IQGAP2: variants seen among roughly 807,000 people sequenced by gnomAD.
IQGAP2 encodes the protein IQ motif containing GTPase activating protein 2.
IQGAP2 carries 173 observed loss-of-function variants against 201.3 expected under a neutral mutation model. The ratio of observed to expected loss-of-function variants is 0.86; its 90% CI spans 0.76 to 0.98. IQGAP2 has a LOEUF of 0.98. Among genes scored for constraint, IQGAP2 ranks in the 50% least tolerant of loss-of-function variants. The pLI is 0.00. For missense variants in IQGAP2, 1,687 were observed against 1,864.8 expected (o/e 0.90, Z 1.76); for synonymous variants, 675 against 673.9 (o/e 1.00, Z -0.03).
At chr5:76,678,581 A>G (rs985681028) in intron 28 of IQGAP2, among the ~76,000 whole-genome samples, 3 of 152,350 alleles carry the variant, frequency 2.0e-5, no homozygotes, top group South Asian at 2.1e-4. Flanking sequence ...GGGATATGTT[A>G]GCAATGCACC....
At chr5:76,658,971 A>G (rs558920022) in intron 21 of IQGAP2, among the ~76,000 whole-genome samples, 48 of 152,336 alleles carry the variant, frequency 3.2e-4, no homozygotes, top group Middle Eastern at 6.8e-3. Context: ...AGCTCAACAT[A>G]GAAAAAATAC....
At chr5:76,581,018 C>T (rs902064302) in intron 5 of IQGAP2, among the ~76,000 whole-genome samples, 5 of 152,212 alleles carry the variant, frequency 3.3e-5, no homozygotes, top group African/African-American at 1.2e-4. Flanking sequence ...TTACTCTTCC[C>T]GCTGCTGATA....
At chr5:76,656,088 C>T (rs1420076160) in intron 20 of IQGAP2, among the ~76,000 whole-genome samples, 1 of 152,188 alleles carries the variant, frequency 6.6e-6, no homozygotes, top group Admixed American at 6.5e-5. Flanking sequence ...CGCTTGAAGT[C>T]CTCACTCTGC....
At chr5:76,612,772 T>G (rs955357490) in intron 13 of IQGAP2, among the ~76,000 whole-genome samples, 1 of 152,082 alleles carries the variant, frequency 6.6e-6, no homozygotes, top group African/African-American at 2.4e-5. Context: ...GCACACACTC[T>G]TACATGTGTC....
Position 76,538,289 on chromosome 5 carries a change from G to A in IQGAP2, c.147-24107G>A, listed in dbSNP as rs115698213. Among the ~76,000 whole-genome samples, 994 of 152,280 alleles carry A rather than the reference G, an allele frequency of 6.5e-3. 13 individuals carry two copies. The highest frequency in any genetic ancestry group is 0.022 in the African/African-American group (934 of 41,560). On this transcript the variant is annotated intron_variant, in intron 2 of 35. Transcript: ENST00000274364. The stretch of plus-strand genomic sequence containing the variant: ...TTACCTTCCACTGGGTCGCTCCCAC[G>A]ACATGTGGGAATTGTGGAAGTGACA...
chr5:76,442,445 G>T (rs1330767069), intron 1 of IQGAP2, among the ~76,000 whole-genome samples: 2 of 152,166 alleles, frequency 1.3e-5, no homozygotes, highest in Non-Finnish European at 2.9e-5. Flanking sequence ...AGTTATAGAA[G>T]TGAATAACTA....
At chr5:76,416,822 G>A (rs553083834) in intron 1 of IQGAP2, among the ~76,000 whole-genome samples, 52 of 151,670 alleles carry the variant, frequency 3.4e-4, no homozygotes, top group African/African-American at 1.2e-3. Context: ...CAACACACCC[G>A]GCCTGAGCTC....
At chr5:76,644,874 A>C (rs1042563722) in intron 17 of IQGAP2, among the ~76,000 whole-genome samples, 1 of 152,186 alleles carries the variant, frequency 6.6e-6, no homozygotes, top group African/African-American at 2.4e-5. Context: ...ATTATGCTTT[A>C]AGTTCGGGAT....
At chr5:76,580,030 C>CT (rs1745731551) in intron 5 of IQGAP2, among the ~76,000 whole-genome samples, 1 of 152,158 alleles carries the variant, frequency 6.6e-6, no homozygotes, top group Non-Finnish European at 1.5e-5. Flanking sequence ...AATCCCAGCA[C>CT]TTTGGGAGGC....
Position 76,551,722 on chromosome 5 carries a change from C to T in IQGAP2, c.147-10674C>T, listed in dbSNP as rs186400641. Reference sequence around the variant, plus strand: ...TGCAAAAACCAGTCAGGCGTGGCTGCGCGTGCCTGCAATCCCAGGCACTCT... The same window carrying T: ...TGCAAAAACCAGTCAGGCGTGGCTGTGCGTGCCTGCAATCCCAGGCACTCT... On this transcript the variant is annotated intron_variant, in intron 2 of 35. Coordinates refer to ENST00000274364, the MANE Select transcript of IQGAP2 (RefSeq NM_006633.5). Among the ~76,000 whole-genome samples the T allele has an allele frequency of 4.6e-3, 699 of 152,108 alleles. 4 individuals carry two copies. Among genetic ancestry groups the T allele is most frequent in the Non-Finnish European group, 8.1e-3 (550 of 67,962 alleles).
At chr5:76,635,948 G>A (rs1028307065) in intron 15 of IQGAP2, among the ~76,000 whole-genome samples, 2 of 152,190 alleles carry the variant, frequency 1.3e-5, no homozygotes, top group Non-Finnish European at 2.9e-5. Context: ...GTATTTTCTA[G>A]TAGACCAATG....
In IQGAP2 at chr5:76,683,824, G is replaced by T. The variant is rs1248671707; in HGVS notation, c.3812G>T (p.Ser1271Ile). 6.2e-6 allele frequency: 10 copies of T among 1,613,708 alleles called. 1 individual carries two copies. The South Asian group carries it at 1.1e-4, about 18-fold the overall frequency. Residue 1271 changes from serine to isoleucine, a missense_variant, in exon 30 of 36, where the codon AGT (serine) becomes ATT (isoleucine). Ser to Ile is a moderately radical substitution (Grantham distance 142). Transcript: ENST00000274364. ...GACCCTAACAAGGCAAATACACTAA[G>T]TCAGCTTTCAAAGACCGAGATTTCT... ...PNDPNKANTL[S>I]QLSKTEISLV...
Position 76,701,099 on chromosome 5 carries a change from T to A in IQGAP2, c.4391T>A (p.Leu1464Gln). The change falls in exon 34 of 36, where the codon CTA (leucine) becomes CAA (glutamine). Residue 1464 changes from leucine (L) to glutamine (Q), a missense_variant. Coordinates refer to ENST00000274364, the MANE Select transcript of IQGAP2 (RefSeq NM_006633.5). ...KRKNTRRSIK[L>Q]DGKGEPKGAK... ...AGAAATACTCGGAGATCAATTAAAC[T>A]AGATGGAAAAGGAGAACCCAAAGGG... The A allele has an allele frequency of 1.9e-6, 3 of 1,614,134 alleles. No individual in the cohort carries two copies. The highest frequency in any genetic ancestry group is 2.5e-6 in the Non-Finnish European group (3 of 1,179,996).
intron 13 of IQGAP2, chr5:76,615,917 A>G (rs997355382): frequency 2.6e-5 from 4 of 152,646 alleles, no homozygotes; most frequent in African/African-American, 9.7e-5. Flanking sequence ...GTCATCCCGT[A>G]TCATCACAGT....
chr5:76,510,065 T>C (rs1050210583), intron 2 of IQGAP2, among the ~76,000 whole-genome samples: 1 of 150,800 alleles, frequency 6.6e-6, no homozygotes, highest in African/African-American at 2.4e-5. Context: ...AGCAGCTCAA[T>C]CTCAGCTCAC....
intron 2 of IQGAP2, among the ~76,000 whole-genome samples, chr5:76,468,611 T>A (rs1328470617): frequency 6.6e-6 from 1 of 152,206 alleles, no homozygotes; most frequent in East Asian, 1.9e-4. Context: ...TCTAGCCTCC[T>A]TCAATCCTTT....
chr5:76,668,103 G>A (rs141392997), intron 22 of IQGAP2, among the ~76,000 whole-genome samples: 248 of 151,730 alleles, frequency 1.6e-3, no homozygotes, highest in African/African-American at 5.2e-3. Flanking sequence ...GGCTTGTCTC[G>A]AACTCCTGGG....
chr5:76,700,663 C>G (rs750038323), intron 33 of IQGAP2, among the ~76,000 whole-genome samples: 4 of 152,132 alleles, frequency 2.6e-5, no homozygotes, highest in Non-Finnish European at 4.4e-5. Context: ...TTATAAGGCA[C>G]TTAGAACAAT....
At chr5:76,415,874 G>C (rs1308257859) in intron 1 of IQGAP2, among the ~76,000 whole-genome samples, 1 of 151,934 alleles carries the variant, frequency 6.6e-6, no homozygotes, top group Non-Finnish European at 1.5e-5. Flanking sequence ...GAACCCAGGA[G>C]GTGGAGGTTG....
Sources: allele counts gnomAD v4.1 joint callset (sites outside exome capture counted in the v4.1 genomes callset), GRCh38; gene constraint gnomAD v4.1.1; transcripts MANE v1.5; gene names NCBI Gene and HGNC (gene_info 2026-07-23, HGNC 2026-07-21).